CAMKMT: variants seen among roughly 807,000 people sequenced by gnomAD.
CAMKMT encodes the protein calmodulin-lysine N-methyltransferase.
In CAMKMT, 53 loss-of-function variants were observed where a neutral mutation model predicts 48.0. The ratio of observed to expected loss-of-function variants is 1.10; its 90% CI spans 0.89 to 1.39. The LOEUF (loss-of-function observed/expected upper bound fraction) is 1.39, where lower values mean the gene tolerates loss of function less well. Among genes scored for constraint, CAMKMT ranks in the 40% most tolerant of loss-of-function variants. CAMKMT has a pLI of 0.00. For missense variants in CAMKMT, 428 were observed against 402.7 expected (o/e 1.06, Z -0.54); for synonymous variants, 165 against 152.3 (o/e 1.08, Z -0.61).
rs370007026 is a variant in CAMKMT, at chr2:44,696,622, GGTGGA to G, written c.377-7657_377-7653del. 2.2e-4 allele frequency among the ~76,000 whole-genome samples: 34 copies of G among 152,262 alleles called. 4 individuals carry two copies. Among genetic ancestry groups the G allele is most frequent in the African/African-American group, 8.2e-4 (34 of 41,544 alleles). On this transcript the variant is annotated intron_variant, in intron 3 of 10. Transcript: ENST00000378494. The stretch of plus-strand genomic sequence containing the variant: ...TGAAAGCAGAGAATACGAAAAGCCA[GGTGGA>G]GTGACTAAGTGAACATATGCAGACT...
chr2:44,489,226 T>C (rs1254748168), intron 3 of CAMKMT, among the ~76,000 whole-genome samples: 2 of 149,938 alleles, frequency 1.3e-5, no homozygotes, highest in African/African-American at 4.9e-5. Flanking sequence ...TTCATATTTA[T>C]TTGTTCATGG....
chr2:44,588,607 T>G (rs1572865383), intron 3 of CAMKMT, among the ~76,000 whole-genome samples: 5 of 23,746 alleles, frequency 2.1e-4, no homozygotes, highest in Admixed American at 1.0e-3. Context: ...AGGTGGGGGG[T>G]CAGCCCCCCG....
chr2:44,452,274 T>A (rs1331461438), intron 3 of CAMKMT, among the ~76,000 whole-genome samples: 3 of 151,910 alleles, frequency 2.0e-5, no homozygotes. Context: ...CCAGTGGACT[T>A]TGGAATGGGA....
At chr2:44,391,371 C>CT (rs1170843985) in intron 3 of CAMKMT, among the ~76,000 whole-genome samples, 3 of 151,080 alleles carry the variant, frequency 2.0e-5, no homozygotes, top group Admixed American at 1.3e-4. Context: ...TAGTTTCTTT[C>CT]TTTTTTTTTA....
intron 3 of CAMKMT, among the ~76,000 whole-genome samples, chr2:44,498,036 G>T (rs1418996010): frequency 6.6e-6 from 1 of 152,138 alleles, no homozygotes; most frequent in African/African-American, 2.4e-5. Context: ...ATGGAGTGTA[G>T]TTAGGATATA....
At chr2:44,472,742 A>G (rs1668487348) in intron 3 of CAMKMT, among the ~76,000 whole-genome samples, 1 of 152,216 alleles carries the variant, frequency 6.6e-6, no homozygotes, top group Non-Finnish European at 1.5e-5. Flanking sequence ...AGCATTCTGG[A>G]GTGTGGTTTT....
At chr2:44,535,690 C>T (rs1011056916) in intron 3 of CAMKMT, among the ~76,000 whole-genome samples, 1 of 152,124 alleles carries the variant, frequency 6.6e-6, no homozygotes, top group African/African-American at 2.4e-5. Flanking sequence ...ATTCAGCACC[C>T]ATTCATAATA....
intron 3 of CAMKMT, among the ~76,000 whole-genome samples, chr2:44,395,557 C>T (rs1352837784): frequency 6.6e-6 from 1 of 152,064 alleles, no homozygotes; most frequent in Non-Finnish European, 1.5e-5. Flanking sequence ...ATGGAAGGTA[C>T]ATGGGATATG....
At chr2:44,559,390 G>A (rs995279964) in intron 3 of CAMKMT, among the ~76,000 whole-genome samples, 1 of 152,166 alleles carries the variant, frequency 6.6e-6, no homozygotes, top group African/African-American at 2.4e-5. Context: ...TCTTCATCAA[G>A]AGCCTATGTG....
intron 9 of CAMKMT, among the ~76,000 whole-genome samples, chr2:44,756,984 C>T (rs1373304718): frequency 1.3e-5 from 2 of 152,188 alleles, no homozygotes; most frequent in East Asian, 3.8e-4. Flanking sequence ...CCCAAGTCTA[C>T]ATTAACTACC....
intron 3 of CAMKMT, among the ~76,000 whole-genome samples, chr2:44,600,946 A>G (rs1184775733): frequency 1.3e-5 from 2 of 152,068 alleles, no homozygotes; most frequent in East Asian, 1.9e-4. Flanking sequence ...TGTCAAGACA[A>G]TGAGGCTTCT....
intron 3 of CAMKMT, among the ~76,000 whole-genome samples, chr2:44,582,214 T>C (rs1033814251): frequency 1.3e-5 from 2 of 152,224 alleles, no homozygotes; most frequent in East Asian, 1.9e-4. Flanking sequence ...TTAGTCTATT[T>C]TGACATTTAG....
intron 3 of CAMKMT, among the ~76,000 whole-genome samples, chr2:44,550,397 G>GA (rs1055057598): frequency 4.2e-4 from 46 of 109,380 alleles, no homozygotes; most frequent in Middle Eastern, 4.4e-3. Flanking sequence ...CTCAAAAAAA[G>GA]AAAAAAAAAA....
At chr2:44,402,922 A>C (rs1682525346) in intron 3 of CAMKMT, among the ~76,000 whole-genome samples, 1 of 133,496 alleles carries the variant, frequency 7.5e-6, no homozygotes, top group Non-Finnish European at 1.6e-5. Flanking sequence ...TATTACTGAA[A>C]GTTTTTTTTT....
At chr2:44,587,219 C>G (rs1669905411) in intron 3 of CAMKMT, among the ~76,000 whole-genome samples, 1 of 152,046 alleles carries the variant, frequency 6.6e-6, no homozygotes, top group South Asian at 2.1e-4. Flanking sequence ...GAATCAATAG[C>G]TTAATTTGGG....
At chr2:44,539,397 T>TG (rs1256282302) in intron 3 of CAMKMT, among the ~76,000 whole-genome samples, 2 of 152,150 alleles carry the variant, frequency 1.3e-5, no homozygotes, top group Non-Finnish European at 2.9e-5. Flanking sequence ...GTTGCAGACA[T>TG]GATATCCCTT....
chr2:44,551,717 A>G (rs1263114157), intron 3 of CAMKMT, among the ~76,000 whole-genome samples: 2 of 152,212 alleles, frequency 1.3e-5, no homozygotes, highest in Non-Finnish European at 2.9e-5. Context: ...TGAAGAATAG[A>G]GATCATTATC....
intron 3 of CAMKMT, among the ~76,000 whole-genome samples, chr2:44,397,820 C>G (rs1469606111): frequency 1.3e-5 from 2 of 152,170 alleles, no homozygotes; most frequent in Admixed American, 6.5e-5. Flanking sequence ...GAACTTGGTG[C>G]TATCATGGGA....
chr2:44,365,383 A>G (rs920797319), intron 1 of CAMKMT, among the ~76,000 whole-genome samples: 2 of 152,210 alleles, frequency 1.3e-5, no homozygotes, highest in African/African-American at 4.8e-5. Flanking sequence ...TCCAGGTTAC[A>G]TGGTAAGTTG....
Sources: gnomAD v4.1 joint callset for allele counts (sites outside exome capture counted in the v4.1 genomes callset) on GRCh38, gnomAD v4.1.1 for gene constraint, MANE v1.5 for transcripts, NCBI Gene and HGNC (gene_info 2026-07-23, HGNC 2026-07-21) for gene names.